The following SLC2A9 variants were observed in gnomAD, a reference collection of about 807,000 sequenced individuals.
SLC2A9 encodes solute carrier family 2 member 9.
Under a neutral mutation model 50.6 loss-of-function variants are expected in SLC2A9, and 39 were observed. That is an observed-to-expected ratio of 0.77 (90% CI 0.60 to 1.01). The LOEUF (loss-of-function observed/expected upper bound fraction) is 1.01. Ranked by LOEUF, SLC2A9 falls within the 50% of genes least tolerant of loss-of-function variation. The pLI is 0.00. For missense variants in SLC2A9, 686 were observed against 677.6 expected (o/e 1.01, Z -0.14); for synonymous variants, 324 against 276.9 (o/e 1.17, Z -1.69).
intron 3 of SLC2A9, chr4:9,783,049 C>A (rs1208363248): frequency 3.7e-6 from 6 of 1,614,210 alleles, no homozygotes; most frequent in Admixed American, 3.3e-5. Flanking sequence ...GTGAGACCAC[C>A]TTCGACGTCT....
At chr4:9,783,115 C>T (rs376696753) in intron 3 of SLC2A9, 32 of 1,614,122 alleles carry the variant, frequency 2.0e-5, no homozygotes, top group Admixed American at 1.0e-4. Context: ...ATGCCTTCAA[C>T]GCCGACTTTC....
At chr4:9,869,777 G>T (rs544980501) in intron 10 of SLC2A9, among the ~76,000 whole-genome samples, 10 of 152,226 alleles carry the variant, frequency 6.6e-5, no homozygotes, top group Non-Finnish European at 1.3e-4. Flanking sequence ...TTTTGGTAGA[G>T]GAGGCCAAAG....
At chr4:9,942,878 C>G (rs540874923) in intron 5 of SLC2A9, among the ~76,000 whole-genome samples, 1 of 152,320 alleles carries the variant, frequency 6.6e-6, no homozygotes, top group Admixed American at 6.5e-5. Context: ...GAGGAAAAAC[C>G]AAGTCCTCAA....
rs1383423281 is a variant in SLC2A9 at position 9,906,752 on chromosome 4, T to G, written c.1113+1483A>C. Among the ~76,000 whole-genome samples, 6 of 152,222 alleles carry G rather than the reference T, an allele frequency of 3.9e-5. No homozygotes were observed. In the East Asian group the frequency reaches 1.2e-3, roughly 29 times the overall value. On this transcript the variant is annotated intron_variant, in intron 8 of 11. Transcript: ENST00000264784. ...AAAAACATCTCCCGTACTTCCCCCATAAGTTTCATCTCAGACTGTGTTTTT... is the reference window on the plus strand; with the variant it reads ...AAAAACATCTCCCGTACTTCCCCCAGAAGTTTCATCTCAGACTGTGTTTTT...
At chr4:9,897,605 G>A (rs918129547) in intron 8 of SLC2A9, among the ~76,000 whole-genome samples, 3 of 152,110 alleles carry the variant, frequency 2.0e-5, no homozygotes, top group Non-Finnish European at 2.9e-5. Flanking sequence ...GTGTGGACAC[G>A]GAGACAGACA....
intron 1 of SLC2A9, chr4:10,029,401 G>A (rs913697238): frequency 6.6e-6 from 1 of 152,146 alleles, no homozygotes; most frequent in Non-Finnish European, 1.5e-5. Context: ...CCTTGATGAT[G>A]GGATGCTTTA....
intron 6 of SLC2A9, among the ~76,000 whole-genome samples, chr4:9,931,646 C>G (rs1745946889): frequency 6.6e-6 from 1 of 152,106 alleles, no homozygotes; most frequent in South Asian, 2.1e-4. Context: ...TCTGTCTGAT[C>G]TTTCTTTCCA....
intron 3 of SLC2A9, among the ~76,000 whole-genome samples, chr4:9,801,404 T>C (rs1721385968): frequency 1.3e-5 from 2 of 152,212 alleles, no homozygotes; most frequent in Non-Finnish European, 1.5e-5. Flanking sequence ...AGGATAATTA[T>C]AACCTCACAG....
intron 5 of SLC2A9, among the ~76,000 whole-genome samples, chr4:9,960,490 G>C (rs1752094794): frequency 6.6e-6 from 1 of 152,166 alleles, no homozygotes; most frequent in Non-Finnish European, 1.5e-5. Context: ...AGGGTTTACA[G>C]TGAAGGTGAA....
At chr4:10,007,340 C>T (rs75896783) in intron 2 of SLC2A9, among the ~76,000 whole-genome samples, 2,848 of 152,334 alleles carry the variant, frequency 0.019, 47 homozygotes, top group Non-Finnish European at 0.029. Context: ...GAAAGAGGCT[C>T]CTGTGCCTCC....
intron 1 of SLC2A9, chr4:10,035,697 C>T (rs1275791167): frequency 6.6e-6 from 1 of 152,240 alleles, no homozygotes; most frequent in Admixed American, 6.5e-5. Context: ...GATCTGCCCT[C>T]CAGTGGGGGG....
At chr4:9,950,759 A>G (rs1422850445) in intron 5 of SLC2A9, among the ~76,000 whole-genome samples, 1 of 33,078 alleles carries the variant, frequency 3.0e-5, no homozygotes. Context: ...CGGGCGTGGT[A>G]GCGGGCGCCT....
In SLC2A9 at chr4:9,878,431, T is replaced by C. The variant is rs201115048; in HGVS notation, c.1291+9136A>G. ...CAGTGGCCAGTGATGGAATCAATCA[T>C]GCCTATATAATGGAGCCTCCATAGA... On this transcript the variant is annotated intron_variant, in intron 10 of 11. Transcript: ENST00000264784. 8.3e-5 allele frequency among the ~76,000 whole-genome samples: 5 copies of C among 60,168 alleles called. No homozygotes were observed. In the East Asian group the frequency reaches 1.2e-3, roughly 15 times the overall value. 39.5% of individuals were successfully genotyped at this position (60,168 alleles called of 152,430 possible).
intron 1 of SLC2A9, among the ~76,000 whole-genome samples, chr4:10,020,136 T>C (rs79234071): frequency 1.3e-3 from 194 of 151,936 alleles, no homozygotes; most frequent in Non-Finnish European, 2.0e-3. Context: ...TATGGATCCA[T>C]GGTTCAGGGA....
At chr4:9,882,673 C>A (rs558963452) in intron 10 of SLC2A9, among the ~76,000 whole-genome samples, 7 of 145,592 alleles carry the variant, frequency 4.8e-5, no homozygotes, top group Non-Finnish European at 1.0e-4. Context: ...CGCGTCACTG[C>A]ACTCCAGCCT....
Position 9,835,000 on chromosome 4 carries a change from G to C in SLC2A9, c.1300C>G (p.Pro434Ala). Residue 434 changes from proline to alanine, a missense_variant, in exon 11 of 12, where the codon CCG (proline) becomes GCG (alanine). By Grantham distance (27) the Pro-to-Ala change is conservative. Transcript: ENST00000264784. ...AAGAACTCACCAGTCAAGATGAACG[G>C]GATGCCACCTGCAGTGTGTGAGCCA... ...ASFCSGPGGI[P>A]FILTGEFFQQ... The C allele has an allele frequency of 6.2e-7, 1 of 1,613,392 alleles. No homozygotes were observed. The highest frequency in any genetic ancestry group is 8.5e-7 in the Non-Finnish European group (1 of 1,179,952).
chr4:10,034,526 T>C (rs1764035776), intron 1 of SLC2A9: 1 of 152,354 alleles, frequency 6.6e-6, no homozygotes, highest in Admixed American at 6.5e-5. Flanking sequence ...CTTGTCTTCA[T>C]ACGAGGGCAG....
At chr4:10,023,140 C>T (rs1249208250), upstream of SLC2A9, among the ~76,000 whole-genome samples, 4 of 152,310 alleles carry the variant, frequency 2.6e-5, no homozygotes, top group African/African-American at 4.8e-5. Context: ...TTGGAGACCC[C>T]GCTGGAAGAG....
At chr4:9,917,837 G>A (rs1250843303) in intron 7 of SLC2A9, among the ~76,000 whole-genome samples, 4 of 152,178 alleles carry the variant, frequency 2.6e-5, no homozygotes, top group Admixed American at 6.5e-5. Flanking sequence ...AATGGGAAGA[G>A]GCCAGGGAGG....
Sources: gnomAD v4.1 joint callset for allele counts (sites outside exome capture counted in the v4.1 genomes callset) on GRCh38, gnomAD v4.1.1 for gene constraint, MANE v1.5 for transcripts, NCBI Gene and HGNC (gene_info 2026-07-23, HGNC 2026-07-21) for gene names.